AUTS2: variants seen among roughly 807,000 people sequenced by gnomAD.
AUTS2 encodes the protein activator of transcription and developmental regulator AUTS2.
AUTS2 carries 17 observed loss-of-function variants against 112.4 expected under a neutral mutation model. That is an observed-to-expected ratio of 0.15 (90% CI 0.10 to 0.23). The LOEUF is 0.23. Ranked by LOEUF, AUTS2 falls within the 10% of genes least tolerant of loss-of-function variation. The pLI is 1.00. For missense variants in AUTS2, 1,510 were observed against 1,701.6 expected (o/e 0.89, Z 1.98); for synonymous variants, 751 against 702.7 (o/e 1.07, Z -1.09).
At chr7:70,206,928 A>G (rs1256430438) in intron 4 of AUTS2, among the ~76,000 whole-genome samples, 6 of 152,208 alleles carry the variant, frequency 3.9e-5, no homozygotes, top group Non-Finnish European at 8.8e-5. Flanking sequence ...TGTTTTACCC[A>G]ATGATTGAAA....
At chr7:69,634,056 A>G (rs1348990655) in intron 1 of AUTS2, among the ~76,000 whole-genome samples, 4 of 152,072 alleles carry the variant, frequency 2.6e-5, no homozygotes, top group Non-Finnish European at 4.4e-5. Context: ...ATTCTCTTCT[A>G]GGAGTTTTAT....
At chr7:70,167,132 A>G (rs768334788) in intron 4 of AUTS2, among the ~76,000 whole-genome samples, 1 of 152,188 alleles carries the variant, frequency 6.6e-6, no homozygotes, top group Non-Finnish European at 1.5e-5. Context: ...AGGCTGAGGC[A>G]GGGGAATCAC....
chr7:70,022,893 C>T (rs1800338385), intron 2 of AUTS2, among the ~76,000 whole-genome samples: 1 of 152,022 alleles, frequency 6.6e-6, no homozygotes, highest in South Asian at 2.1e-4. Flanking sequence ...GCTTTCTCGC[C>T]CAGGCCGGAG....
intron 4 of AUTS2, among the ~76,000 whole-genome samples, chr7:70,354,732 C>T (rs73440735): frequency 0.016 from 2,452 of 152,260 alleles, 79 homozygotes; most frequent in African/African-American, 0.056. Context: ...GTAAAACCTA[C>T]GCCCTGTTCC....
chr7:70,019,627 G>T (rs116771818), intron 2 of AUTS2, among the ~76,000 whole-genome samples: 1 of 152,150 alleles, frequency 6.6e-6, no homozygotes, highest in African/African-American at 2.4e-5. Flanking sequence ...CCTGACACTA[G>T]CCCTGTTACC....
chr7:70,357,823 A>G (rs965710105), intron 4 of AUTS2, among the ~76,000 whole-genome samples: 1 of 152,220 alleles, frequency 6.6e-6, no homozygotes, highest in African/African-American at 2.4e-5. Context: ...TTTGTGTGTT[A>G]TATGAAGGGT....
Position 70,766,489 on chromosome 7 carries a change from C to A in AUTS2, c.1689+155C>A. 1.0e-6 allele frequency: 1 copy of A among 963,548 alleles called. No individual in the cohort carries two copies. Among genetic ancestry groups the A allele is most frequent in the Non-Finnish European group, 1.6e-6 (1 of 642,186 alleles). 59.7% of individuals were successfully genotyped at this position (963,548 alleles called of 1,614,324 possible). On this transcript the variant is annotated intron_variant, in intron 9 of 18. Coordinates refer to ENST00000342771, the MANE Select transcript of AUTS2 (RefSeq NM_015570.4). The surrounding 1 kb of genome is among the most constrained non-coding windows in gnomAD (Gnocchi z 4.8). ...AAGGGAATGTGTCCTAGTGCCCTGCCTCAGGCAGCTCTGACTTCAGGGGCC... is the reference window on the plus strand; with the variant it reads ...AAGGGAATGTGTCCTAGTGCCCTGCATCAGGCAGCTCTGACTTCAGGGGCC...
chr7:70,677,911 G>A (rs1158957612), intron 5 of AUTS2, among the ~76,000 whole-genome samples: 1 of 152,094 alleles, frequency 6.6e-6, no homozygotes, highest in Non-Finnish European at 1.5e-5. Context: ...ATGAAACCCC[G>A]TCTCTACTAA....
At chr7:70,666,359 G>C (rs1399128442) in intron 5 of AUTS2, among the ~76,000 whole-genome samples, 1 of 152,220 alleles carries the variant, frequency 6.6e-6, no homozygotes. Flanking sequence ...GAAGAAGTTA[G>C]ACAAGCAATG....
intron 4 of AUTS2, among the ~76,000 whole-genome samples, chr7:70,162,303 G>A (rs530810891): frequency 4.7e-5 from 7 of 150,146 alleles, no homozygotes; most frequent in African/African-American, 9.8e-5. Context: ...AAAATTAGCC[G>A]GGCGTAGTGG....
chr7:70,131,747 T>C (rs1207202792), intron 3 of AUTS2, among the ~76,000 whole-genome samples: 1 of 152,060 alleles, frequency 6.6e-6, no homozygotes, highest in East Asian at 1.9e-4. Context: ...AGAGACTCTT[T>C]ACTGGGCCTT....
intron 4 of AUTS2, among the ~76,000 whole-genome samples, chr7:70,319,974 C>T (rs572360877): frequency 6.6e-6 from 1 of 152,310 alleles, no homozygotes; most frequent in African/African-American, 2.4e-5. Flanking sequence ...TAAACTTGCT[C>T]ATTAAGACTT....
chr7:69,649,522 T>C (rs1403043262), intron 1 of AUTS2, among the ~76,000 whole-genome samples: 1 of 152,168 alleles, frequency 6.6e-6, no homozygotes, highest in African/African-American at 2.4e-5. Flanking sequence ...TGCTTTTTTT[T>C]TTGGCCTTTG....
chr7:69,788,623 G>C (rs1789479778), intron 1 of AUTS2, among the ~76,000 whole-genome samples: 1 of 152,162 alleles, frequency 6.6e-6, no homozygotes. Context: ...CTTGGTTTTT[G>C]TGCAGCTCTT....
At chr7:69,996,133 T>C (rs757265204) in intron 2 of AUTS2, among the ~76,000 whole-genome samples, 9 of 152,210 alleles carry the variant, frequency 5.9e-5, no homozygotes, top group Non-Finnish European at 7.3e-5. Context: ...GCCAGGGTAC[T>C]GCTATTTTAT....
intron 5 of AUTS2, among the ~76,000 whole-genome samples, chr7:70,487,115 A>G (rs569347934): frequency 6.6e-6 from 1 of 152,058 alleles, no homozygotes; most frequent in East Asian, 1.9e-4. Flanking sequence ...CTGGGAGAGG[A>G]CGGTAGCCGC....
intron 2 of AUTS2, among the ~76,000 whole-genome samples, chr7:70,033,911 A>T (rs1800888970): frequency 6.6e-6 from 1 of 152,126 alleles, no homozygotes; most frequent in Non-Finnish European, 1.5e-5. Context: ...ATTAGGGTGA[A>T]CACCGTTAAT....
intron 4 of AUTS2, among the ~76,000 whole-genome samples, chr7:70,181,405 G>T (rs1163641755): frequency 6.6e-6 from 1 of 152,066 alleles, no homozygotes; most frequent in African/African-American, 2.4e-5. Context: ...AAATTCTGTT[G>T]TAGGAGTCTT....
intron 1 of AUTS2, among the ~76,000 whole-genome samples, chr7:69,800,922 A>C (rs545325288): frequency 6.6e-6 from 1 of 152,204 alleles, no homozygotes; most frequent in African/African-American, 2.4e-5. Flanking sequence ...TAATTCTTAT[A>C]TATCTTTTAG....
Sources: allele counts gnomAD v4.1 joint callset (sites outside exome capture counted in the v4.1 genomes callset), GRCh38; gene constraint gnomAD v4.1.1; non-coding constraint Gnocchi (gnomAD v3.1); transcripts MANE v1.5; gene names NCBI Gene and HGNC (gene_info 2026-07-23, HGNC 2026-07-21).